Variants in DIP2C observed in about 807,000 individuals in gnomAD.
DIP2C encodes the protein DIP2 acetate--CoA ligase C (putative), also known as disco-interacting protein 2 homolog C.
In DIP2C, 33 loss-of-function variants were observed where a neutral mutation model predicts 192.4. That is an observed-to-expected ratio of 0.17 (90% CI 0.13 to 0.23). DIP2C has a LOEUF of 0.23. DIP2C is among the 10% of genes least tolerant of loss of function. The pLI is 1.00. For synonymous variants in DIP2C, 979 were observed against 864.1 expected (o/e 1.13, Z -2.33); for missense variants, 1,537 against 2,110.1 (o/e 0.73, Z 5.32).
At chr10:648,266 A>G (rs10737002) in intron 1 of DIP2C, among the ~76,000 whole-genome samples, 149,228 of 150,498 alleles carry the variant, frequency 0.99, 73,998 homozygotes, top group South Asian at 1. Context: ...GGCGAGAACA[A>G]AGGGAAACTG....
At chr10:671,334 C>G (rs1430506482) in intron 1 of DIP2C, among the ~76,000 whole-genome samples, 1 of 151,898 alleles carries the variant, frequency 6.6e-6, no homozygotes. Flanking sequence ...CACAGACGCA[C>G]GGACGGAGGA....
rs561915354 is a variant in DIP2C, at chr10:571,517, C to T, written c.86-84987G>A. Among the ~76,000 whole-genome samples the T allele has an allele frequency of 7.9e-5, 12 of 151,582 alleles. No individual in the cohort carries two copies. In the South Asian group the frequency reaches 2.5e-3, roughly 32 times the overall value. The stretch of plus-strand genomic sequence containing the variant: ...CCTCCCCCTTTCACTTCCCTTCTTT[C>T]CTTTCCTCTCCCTCCCTCATCTCCT... On this transcript the variant is annotated intron_variant, in intron 1 of 36. Transcript: ENST00000280886.
At chr10:681,208 A>C (rs1831119363) in intron 1 of DIP2C, among the ~76,000 whole-genome samples, 1 of 151,108 alleles carries the variant, frequency 6.6e-6, no homozygotes, top group African/African-American at 2.4e-5. Context: ...TACATGGTAC[A>C]GCCACCATCT....
chr10:589,676 T>C (rs1851289532), intron 1 of DIP2C, among the ~76,000 whole-genome samples: 2 of 152,204 alleles, frequency 1.3e-5, no homozygotes, highest in African/African-American at 4.8e-5. Flanking sequence ...CTTCAGTGGA[T>C]GTCTCTTTGT....
At chr10:484,635 G>C in intron 2 of DIP2C, 1 of 1,176,242 alleles carries the variant, frequency 8.5e-7, no homozygotes. Context: ...CTCTGGGCCT[G>C]TGGAGCGACC....
intron 29 of DIP2C, among the ~76,000 whole-genome samples, chr10:338,780 C>G (rs1300467443): frequency 6.6e-6 from 1 of 152,028 alleles, no homozygotes. Flanking sequence ...TGGCACTGCC[C>G]ACGCCACCTG....
intron 1 of DIP2C, among the ~76,000 whole-genome samples, chr10:678,426 G>A (rs937805538): frequency 2.6e-5 from 4 of 152,056 alleles, no homozygotes; most frequent in Admixed American, 1.3e-4. Flanking sequence ...CACAGAGTAC[G>A]TGTTCGGCAG....
At chr10:406,188 A>G (rs1385643493) in intron 9 of DIP2C, among the ~76,000 whole-genome samples, 1 of 152,246 alleles carries the variant, frequency 6.6e-6, no homozygotes, top group African/African-American at 2.4e-5. Flanking sequence ...TACAAACCAC[A>G]TTACAGATAA....
At chr10:356,190 A>G in intron 24 of DIP2C, 1 of 599,872 alleles carries the variant, frequency 1.7e-6, no homozygotes, top group Non-Finnish European at 3.0e-6. Flanking sequence ...GGGGAGAAAT[A>G]TTGTAAATAG....
intron 1 of DIP2C, among the ~76,000 whole-genome samples, chr10:498,613 T>A (rs1320213845): frequency 2.0e-5 from 3 of 152,224 alleles, no homozygotes; most frequent in African/African-American, 7.2e-5. Flanking sequence ...CCATTTCATT[T>A]ACCTGAAGTT....
rs1267253398 is a variant in DIP2C at position 356,490 on chromosome 10, T to A, written c.2921A>T (p.Glu974Val). ...GGTCTGTGCTCTCCACTGCAAGACCTCTGAGAGGAACAGGAACTGGAACAG... is the reference window on the plus strand; with the variant it reads ...GGTCTGTGCTCTCCACTGCAAGACCACTGAGAGGAACAGGAACTGGAACAG... Reference protein sequence around the residue: ...DQARKFLFLSEVLQWRAQTTP... With the variant: ...DQARKFLFLSVVLQWRAQTTP... The change falls in exon 24 of 37, where the codon GAG becomes GTG. Residue 974 changes from glutamate (E) to valine (V), a missense_variant. Coordinates refer to ENST00000280886, the MANE Select transcript of DIP2C (RefSeq NM_014974.3). 1 of 1,612,136 alleles carries A rather than the reference T, an allele frequency of 6.2e-7. No homozygotes were observed. The highest frequency in any genetic ancestry group is 8.5e-7 in the Non-Finnish European group (1 of 1,179,780).
chr10:640,727 AAGAGGGTGGG>A (rs1266039109), intron 1 of DIP2C, among the ~76,000 whole-genome samples: 156 of 2,364 alleles, frequency 0.066, no homozygotes, highest in Non-Finnish European at 0.11. Flanking sequence ...GCGCGCGGGG[AAGAGGGTGGG>A]CGCCGGGAAG....
chr10:454,387 G>A (rs1969110134), intron 3 of DIP2C, among the ~76,000 whole-genome samples: 2 of 152,094 alleles, frequency 1.3e-5, no homozygotes, highest in African/African-American at 4.8e-5. Flanking sequence ...TACTAAAAAG[G>A]GATAAAGTAC....
In DIP2C at chr10:345,144, G is replaced by A. The variant is rs377633163; in HGVS notation, c.3232-34C>T. On this transcript the variant is annotated intron_variant, in intron 26 of 36. Coordinates refer to ENST00000280886, the MANE Select transcript of DIP2C (RefSeq NM_014974.3). ...AGAGAGCGAGAATGGAGCCATGAAC[G>A]TGGACCCAGATGAAAGCGTGCTCAC... 123 of 1,581,896 alleles carry A rather than the reference G, an allele frequency of 7.8e-5. 1 individual carries two copies. In the East Asian group the frequency reaches 1.0e-3, roughly 13 times the overall value.
intron 1 of DIP2C, among the ~76,000 whole-genome samples, chr10:536,170 T>C (rs1408006698): frequency 2.6e-5 from 4 of 152,226 alleles, no homozygotes; most frequent in African/African-American, 9.6e-5. Context: ...TCCTCCAGCA[T>C]GTGCGCTCAG....
chr10:431,836 G>A (rs556584567), intron 4 of DIP2C, among the ~76,000 whole-genome samples: 3 of 152,210 alleles, frequency 2.0e-5, no homozygotes, highest in African/African-American at 7.2e-5. Context: ...GATCTTAGTG[G>A]GAAAAATTCT....
At chr10:414,262 T>C (rs995138202) in intron 7 of DIP2C, 152 bp from the exon 8 acceptor site, 13 of 964,966 alleles carry the variant, frequency 1.3e-5, no homozygotes, top group Admixed American at 3.0e-5. Flanking sequence ...TTGGGGTCTA[T>C]ACACTAGCAT....
At chr10:433,901 T>TTTTC (rs201278048) in intron 4 of DIP2C, among the ~76,000 whole-genome samples, 2,460 of 152,248 alleles carry the variant, frequency 0.016, 72 homozygotes, top group African/African-American at 0.056. Context: ...TTTTGTCTTT[T>TTTTC]TTTTTCTTTC....
chr10:370,138 AT>A, intron 17 of DIP2C: 1 of 725,092 alleles, frequency 1.4e-6, no homozygotes, highest in Non-Finnish European at 1.7e-6. Context: ...CGTATGCCCA[AT>A]TTTATAAGAA....
Sources: gnomAD v4.1 joint callset for allele counts (sites outside exome capture counted in the v4.1 genomes callset) on GRCh38, gnomAD v4.1.1 for gene constraint, MANE v1.5 for transcripts, NCBI Gene and HGNC (gene_info 2026-07-23, HGNC 2026-07-21) for gene names.